Variants in ZNF469 observed in about 807,000 individuals in gnomAD.
ZNF469 encodes the protein zinc finger protein 469.
ZNF469 carries 1 observed loss-of-function variant against 1.0 expected under a neutral mutation model. That is an observed-to-expected ratio of 1.00 (90% CI 0.35 to 4.73). ZNF469 has a LOEUF of 4.73. ZNF469 is among the 30% of genes most tolerant of loss of function. The pLI is 0.16. For missense variants in ZNF469, 6,100 were observed against 5,356.3 expected, an observed-to-expected ratio of 1.14 and a Z score of -4.33; for synonymous variants, 2,703 against 2,363.4, an observed-to-expected ratio of 1.14 and a Z score of -4.17.
the ZNF469 span, among the ~76,000 whole-genome samples, chr16:88,150,085 A>G: frequency 2.3e-3 from 356 of 152,334 alleles, 3 homozygotes; most frequent in Non-Finnish European, 4.2e-3. Flanking sequence ...AGGCGGGTGG[A>G]TCACCTGAGG....
At chr16:88,239,153 G>A in the ZNF469 span, among the ~76,000 whole-genome samples, 1 of 152,156 alleles carries the variant, frequency 6.6e-6, no homozygotes, top group South Asian at 2.1e-4. Flanking sequence ...GTGCGGGTGA[G>A]GGAGGTGGGG....
the ZNF469 span, among the ~76,000 whole-genome samples, chr16:88,255,218 G>C: frequency 1.3e-5 from 2 of 152,178 alleles, no homozygotes; most frequent in Non-Finnish European, 2.9e-5. Context: ...TGCATATGTT[G>C]CAGGGTCCTC....
the ZNF469 span, among the ~76,000 whole-genome samples, chr16:88,227,914 C>A: frequency 1.2e-4 from 18 of 152,214 alleles, no homozygotes; most frequent in Non-Finnish European, 7.3e-5. Flanking sequence ...GACCTTGGCT[C>A]ACAGGTGCAC....
intron 1 of ZNF469, among the ~76,000 whole-genome samples, chr16:88,392,495 T>C (rs897329421): frequency 2.0e-5 from 3 of 152,228 alleles, no homozygotes; most frequent in Non-Finnish European, 2.9e-5. Flanking sequence ...TTCCTTAAAA[T>C]AGGGTCGGTG....
At chr16:88,155,383 T>C in the ZNF469 span, among the ~76,000 whole-genome samples, 1 of 152,208 alleles carries the variant, frequency 6.6e-6, no homozygotes, top group African/African-American at 2.4e-5. Flanking sequence ...GTTATAGACA[T>C]AGAGGTGTGC....
the ZNF469 span, among the ~76,000 whole-genome samples, chr16:88,231,293 T>C: frequency 1.3e-5 from 2 of 152,156 alleles, no homozygotes; most frequent in Non-Finnish European, 2.9e-5. The surrounding 1 kb of genome is among the most constrained non-coding windows in gnomAD (Gnocchi z 4.5). Flanking sequence ...CTGAAAAGGT[T>C]TGGGCGGGGC....
chr16:88,400,151 G>A (rs1265445106), intron 1 of ZNF469, among the ~76,000 whole-genome samples: 1 of 152,236 alleles, frequency 6.6e-6, no homozygotes, highest in Non-Finnish European at 1.5e-5. Flanking sequence ...CAGAGCCAAT[G>A]GCCTTCATGG....
chr16:88,404,829 A>G (rs1381730700), intron 1 of ZNF469, among the ~76,000 whole-genome samples: 1 of 152,190 alleles, frequency 6.6e-6, no homozygotes, highest in Non-Finnish European at 1.5e-5. Flanking sequence ...TCGGCACCCA[A>G]CTGGGTCACC....
At chr16:88,348,215 G>C in the ZNF469 span, among the ~76,000 whole-genome samples, 1 of 152,196 alleles carries the variant, frequency 6.6e-6, no homozygotes, top group Admixed American at 6.5e-5. Flanking sequence ...GTGGCTCAGG[G>C]CCGCCTTCCT....
At chr16:88,336,951 C>T in the ZNF469 span, among the ~76,000 whole-genome samples, 19 of 152,214 alleles carry the variant, frequency 1.2e-4, no homozygotes, top group Non-Finnish European at 2.5e-4. Context: ...GCTGTGTTTG[C>T]CCCTTTGTGT....
the ZNF469 span, among the ~76,000 whole-genome samples, chr16:88,290,525 G>A: frequency 6.6e-6 from 1 of 152,124 alleles, no homozygotes; most frequent in South Asian, 2.1e-4. Flanking sequence ...CCTTTCTGAG[G>A]CATTCCTGAA....
chr16:88,243,948 ATAT>A, the ZNF469 span, among the ~76,000 whole-genome samples: 10 of 124,808 alleles, frequency 8.0e-5, no homozygotes, highest in African/African-American at 2.4e-4. Flanking sequence ...ATATATATAT[ATAT>A]AAATGTATGT....
the ZNF469 span, among the ~76,000 whole-genome samples, chr16:88,143,760 C>T: frequency 2.0e-5 from 3 of 152,232 alleles, no homozygotes; most frequent in Non-Finnish European, 4.4e-5. Flanking sequence ...TTGCGGGGAG[C>T]GGTCCCGGCT....
chr16:88,435,879 C>CT lies in ZNF469; in HGVS notation c.8409_8410insT (p.Glu2804Ter). 1 of 1,550,158 alleles carries CT rather than the reference C, an allele frequency of 6.5e-7. No individual in the cohort carries two copies. Among genetic ancestry groups the CT allele is most frequent in the Non-Finnish European group, 8.7e-7 (1 of 1,146,968 alleles). ...CCCCCTTGGGCCCCCTGGGTTTTCCCGAGACTTCCAGCTCTCCGGCGGACA... is the reference window on the plus strand; with the variant it reads ...CCCCCTTGGGCCCCCTGGGTTTTCCCTGAGACTTCCAGCTCTCCGGCGGACA... On this transcript the variant is annotated frameshift_variant, in exon 3 of 3. Coordinates refer to ENST00000565624, the MANE Select transcript of ZNF469 (RefSeq NM_001367624.2). LOFTEE classifies it low-confidence loss of function (END_TRUNC).
intron 1 of ZNF469, among the ~76,000 whole-genome samples, chr16:88,417,507 A>G (rs1905335515): frequency 6.6e-6 from 1 of 152,174 alleles, no homozygotes; most frequent in Non-Finnish European, 1.5e-5. Flanking sequence ...TGGCTCTGCT[A>G]GAAGGTTCCT....
chr16:88,293,614 G>A, the ZNF469 span, among the ~76,000 whole-genome samples: 1,086 of 152,182 alleles, frequency 7.1e-3, 9 homozygotes, highest in African/African-American at 0.024. Context: ...CACCTGAAGG[G>A]GTCTGTACTG....
chr16:88,286,226 C>T, the ZNF469 span, among the ~76,000 whole-genome samples: 1 of 152,270 alleles, frequency 6.6e-6, no homozygotes, highest in Non-Finnish European at 1.5e-5. Context: ...GAAGCCCCCA[C>T]TCCGTTCACC....
the ZNF469 span, among the ~76,000 whole-genome samples, chr16:88,310,664 C>G: frequency 6.6e-6 from 1 of 151,910 alleles, no homozygotes; most frequent in Non-Finnish European, 1.5e-5. Flanking sequence ...CTCACTGCAA[C>G]CTCCACCTCC....
the ZNF469 span, chr16:88,276,616 C>T: frequency 6.6e-6 from 1 of 152,224 alleles, no homozygotes; most frequent in Non-Finnish European, 1.5e-5. Flanking sequence ...CTTGATTTCG[C>T]GTCACGTCCT....
Sources: gnomAD v4.1 joint callset for allele counts (sites outside exome capture counted in the v4.1 genomes callset) on GRCh38, gnomAD v4.1.1 for gene constraint, Gnocchi (gnomAD v3.1) non-coding constraint, MANE v1.5 for transcripts, NCBI Gene and HGNC (gene_info 2026-07-23, HGNC 2026-07-21) for gene names.